The following FHOD3 variants were observed in gnomAD, a reference collection of about 807,000 sequenced individuals.
FHOD3 encodes the protein formin homology 2 domain containing 3.
In FHOD3, 90 loss-of-function variants were observed where a neutral mutation model predicts 173.0. The observed-to-expected ratio is 0.52, with a 90% CI of 0.44 to 0.62. The LOEUF is 0.62. Ranked by LOEUF, FHOD3 falls within the 20% of genes least tolerant of loss-of-function variation. FHOD3 has a pLI of 0.00. For synonymous variants in FHOD3, 828 were observed against 823.0 expected (o/e 1.01, Z -0.10); for missense variants, 1,945 against 2,034.7 (o/e 0.96, Z 0.85).
intron 3 of FHOD3, among the ~76,000 whole-genome samples, chr18:36,431,441 G>C (rs987347003): frequency 6.6e-6 from 1 of 152,200 alleles, no homozygotes; most frequent in Non-Finnish European, 1.5e-5. Flanking sequence ...TGTTTCCATC[G>C]GTCAAGTCTG....
At chr18:36,739,750 T>C (rs927025027) in intron 20 of FHOD3, among the ~76,000 whole-genome samples, 1 of 152,256 alleles carries the variant, frequency 6.6e-6, no homozygotes, top group Admixed American at 6.5e-5. Flanking sequence ...AATTTTAGTT[T>C]ATTATAAATG....
intron 9 of FHOD3, among the ~76,000 whole-genome samples, chr18:36,613,473 A>T (rs897798767): frequency 1.4e-4 from 21 of 152,178 alleles, no homozygotes; most frequent in Non-Finnish European, 1.3e-4. Context: ...GTGTCCTGCC[A>T]TGGCCAGTTA....
At chr18:36,625,204 G>A (rs2034004712) in intron 9 of FHOD3, among the ~76,000 whole-genome samples, 2 of 152,144 alleles carry the variant, frequency 1.3e-5, no homozygotes, top group African/African-American at 4.8e-5. Context: ...TGGAAATGCT[G>A]GGGTACAGAG....
At chr18:36,319,512 AT>A (rs946596196) in intron 1 of FHOD3, among the ~76,000 whole-genome samples, 1 of 152,174 alleles carries the variant, frequency 6.6e-6, no homozygotes, top group African/African-American at 2.4e-5. Context: ...CTACAAAGAG[AT>A]TTAGACTTTC....
chr18:36,427,286 T>TAAAAA (rs35854743), intron 3 of FHOD3, among the ~76,000 whole-genome samples: 1 of 79,480 alleles, frequency 1.3e-5, no homozygotes, highest in African/African-American at 4.6e-5. Context: ...CTTGCTTCTC[T>TAAAAA]AAAAAAAAAA....
At chr18:36,699,143 A>T (rs2039444546) in intron 17 of FHOD3, among the ~76,000 whole-genome samples, 1 of 152,228 alleles carries the variant, frequency 6.6e-6, no homozygotes, top group Non-Finnish European at 1.5e-5. Flanking sequence ...TGCAAGACTG[A>T]AGAAACGTGG....
intron 3 of FHOD3, among the ~76,000 whole-genome samples, chr18:36,471,513 C>G (rs970590508): frequency 2.0e-5 from 3 of 152,162 alleles, no homozygotes; most frequent in Non-Finnish European, 4.4e-5. Context: ...CTCCTGAGTA[C>G]TGGGCTCACT....
intron 2 of FHOD3, among the ~76,000 whole-genome samples, chr18:36,363,585 A>G (rs1445948281): frequency 1.3e-5 from 2 of 152,196 alleles, no homozygotes; most frequent in Non-Finnish European, 2.9e-5. Flanking sequence ...ATTCCGAGAA[A>G]GGCAAAAAGC....
chr18:36,747,166 C>G, intron 24 of FHOD3, 31 bp downstream of exon 24: 3 of 1,537,558 alleles, frequency 2.0e-6, no homozygotes, highest in Non-Finnish European at 2.6e-6. Context: ...ATAGAAATAT[C>G]AGTACAATGG....
At chr18:36,598,520 G>A (rs7229111) in intron 7 of FHOD3, among the ~76,000 whole-genome samples, 52,550 of 152,002 alleles carry the variant, frequency 0.35, 9,354 homozygotes, top group Middle Eastern at 0.44. Flanking sequence ...AGCGTAAGGA[G>A]TGATCAGTGT....
intron 19 of FHOD3, among the ~76,000 whole-genome samples, chr18:36,728,356 CCA>C (rs1452640389): frequency 4.6e-5 from 7 of 152,160 alleles, no homozygotes; most frequent in Non-Finnish European, 1.0e-4. Flanking sequence ...CTTTAGCATT[CCA>C]CACACAACAT....
intron 3 of FHOD3, among the ~76,000 whole-genome samples, chr18:36,385,147 A>G (rs1258619176): frequency 1.3e-5 from 2 of 152,242 alleles, no homozygotes; most frequent in Non-Finnish European, 2.9e-5. Flanking sequence ...CTGGGGAAAT[A>G]CATTGTGGAA....
chr18:36,697,967 C>T (rs1356112205), intron 17 of FHOD3, among the ~76,000 whole-genome samples: 1 of 152,216 alleles, frequency 6.6e-6, no homozygotes, highest in Non-Finnish European at 1.5e-5. Flanking sequence ...CTAATCCACA[C>T]AGCAGAAATC....
At chr18:36,767,954 T>TA (rs200912566) in intron 27 of FHOD3, among the ~76,000 whole-genome samples, 4 of 150,356 alleles carry the variant, frequency 2.7e-5, no homozygotes, top group Middle Eastern at 3.4e-3. Flanking sequence ...CACCAAAACT[T>TA]AAAAAAAAAA....
At chr18:36,698,801 C>G (rs970566610) in intron 17 of FHOD3, among the ~76,000 whole-genome samples, 2 of 152,158 alleles carry the variant, frequency 1.3e-5, no homozygotes, top group African/African-American at 4.8e-5. Context: ...ATAGCAATAG[C>G]CAGAATATCA....
chr18:36,657,303 A>G (rs964640228), intron 13 of FHOD3, among the ~76,000 whole-genome samples: 1 of 152,238 alleles, frequency 6.6e-6, no homozygotes, highest in Non-Finnish European at 1.5e-5. Flanking sequence ...AGCCCATGCA[A>G]GGGCATCAAA....
chr18:36,412,125 C>A (rs550791291), intron 3 of FHOD3, among the ~76,000 whole-genome samples: 2 of 152,272 alleles, frequency 1.3e-5, no homozygotes, highest in South Asian at 4.1e-4. Context: ...AGGGGCGGGG[C>A]TGGAGGGCAG....
At chr18:36,596,137 AT>A (rs199885629) in intron 7 of FHOD3, among the ~76,000 whole-genome samples, 2 of 150,546 alleles carry the variant, frequency 1.3e-5, no homozygotes, top group Non-Finnish European at 3.0e-5. Flanking sequence ...TGTGTCTGTG[AT>A]TTTTTTTTGT....
intron 3 of FHOD3, among the ~76,000 whole-genome samples, chr18:36,489,955 C>G (rs2054383507): frequency 6.6e-6 from 1 of 152,090 alleles, no homozygotes; most frequent in South Asian, 2.1e-4. Context: ...AGAAGTAAGT[C>G]CCTGGTCACC....
Sources: gnomAD v4.1 joint callset for allele counts (sites outside exome capture counted in the v4.1 genomes callset) on GRCh38, gnomAD v4.1.1 for gene constraint, MANE v1.5 for transcripts, NCBI Gene and HGNC (gene_info 2026-07-23, HGNC 2026-07-21) for gene names.